NRF1: variants seen among roughly 807,000 people sequenced by gnomAD.
NRF1 encodes alpha palindromic-binding protein.
In NRF1, 5 loss-of-function variants were observed where a neutral mutation model predicts 58.5. The observed-to-expected ratio is 0.09, with a 90% CI of 0.04 to 0.18. The LOEUF is 0.18. Among genes scored for constraint, NRF1 ranks in the 10% least tolerant of loss-of-function variants. NRF1 has a pLI of 1.00. For missense variants in NRF1, 288 were observed against 657.7 expected (o/e 0.44, Z 6.15); for synonymous variants, 224 against 246.7 (o/e 0.91, Z 0.86).
chr7:129,660,278 T>C (rs2151077182), intron 2 of NRF1, among the ~76,000 whole-genome samples: 1 of 151,140 alleles, frequency 6.6e-6, no homozygotes, highest in Non-Finnish European at 1.5e-5. Flanking sequence ...AGCCAAACCA[T>C]ATTATTCCAC....
chr7:129,642,083 A>G (rs1409632794), intron 1 of NRF1, among the ~76,000 whole-genome samples: 1 of 151,864 alleles, frequency 6.6e-6, no homozygotes, highest in Admixed American at 6.6e-5. Context: ...GGTTCCAGCA[A>G]TTCTCCTGCC....
At position 129,756,545 on chromosome 7, in the gene NRF1, C is replaced by T. The variant is rs1198378553; in HGVS notation, c.*1364C>T. The T allele has an allele frequency of 6.5e-6, 1 of 152,686 alleles. No individual in the cohort carries two copies. Among genetic ancestry groups the T allele is most frequent in the Admixed American group, 6.5e-5 (1 of 15,286 alleles). 9.5% of individuals were successfully genotyped at this position (152,686 alleles called of 1,614,324 possible). ...TGGTAACCGTTAACTCTGTCTTTCT[C>T]AGCTGCAAGCCCTGAGTCTCCAGTA... On this transcript the variant is annotated 3_prime_UTR_variant, in exon 11 of 11. Transcript: ENST00000393232.
intron 1 of NRF1, among the ~76,000 whole-genome samples, chr7:129,635,806 A>G (rs376244390): frequency 6.6e-6 from 1 of 152,054 alleles, no homozygotes; most frequent in Non-Finnish European, 1.5e-5. Flanking sequence ...CACTCTGTCT[A>G]TACACCCCGT....
At chr7:129,716,593 G>A (rs993247902) in intron 8 of NRF1, among the ~76,000 whole-genome samples, 1 of 152,096 alleles carries the variant, frequency 6.6e-6, no homozygotes, top group African/African-American at 2.4e-5. Context: ...AGAGTGGGCC[G>A]GGCGTGGTGA....
chr7:129,699,543 G>C (rs540053855), intron 5 of NRF1, among the ~76,000 whole-genome samples: 1 of 151,802 alleles, frequency 6.6e-6, no homozygotes, highest in Admixed American at 6.6e-5. Flanking sequence ...GTGAAACCCC[G>C]TCTCTACTAA....
intron 1 of NRF1, among the ~76,000 whole-genome samples, chr7:129,646,130 C>T (rs1801400802): frequency 6.6e-6 from 1 of 152,182 alleles, no homozygotes; most frequent in African/African-American, 2.4e-5. Context: ...AGGCGTGAGC[C>T]ACCGCGCCAG....
At chr7:129,715,594 TATAA>T (rs1803167265) in intron 8 of NRF1, among the ~76,000 whole-genome samples, 1 of 152,238 alleles carries the variant, frequency 6.6e-6, no homozygotes, top group Non-Finnish European at 1.5e-5. Flanking sequence ...GCATTTACCC[TATAA>T]ATAGACTCAC....
At chr7:129,747,878 C>T (rs1019268010) in intron 10 of NRF1, among the ~76,000 whole-genome samples, 1 of 152,218 alleles carries the variant, frequency 6.6e-6, no homozygotes, top group Non-Finnish European at 1.5e-5. Flanking sequence ...ACTAAAGGGA[C>T]TACCATCAAG....
chr7:129,742,283 A>C (rs994098774), intron 10 of NRF1, among the ~76,000 whole-genome samples: 2 of 151,502 alleles, frequency 1.3e-5, no homozygotes, highest in African/African-American at 4.8e-5. Flanking sequence ...ATTAAAAAAA[A>C]AAAAAAAAAC....
intron 3 of NRF1, among the ~76,000 whole-genome samples, chr7:129,677,202 G>A (rs544326085): frequency 1.5e-4 from 23 of 152,022 alleles, no homozygotes; most frequent in Middle Eastern, 3.4e-3. Flanking sequence ...TAGTAGAGAC[G>A]GGTTTTACAC....
At chr7:129,630,708 T>C (rs1465675261) in intron 1 of NRF1, among the ~76,000 whole-genome samples, 3 of 152,208 alleles carry the variant, frequency 2.0e-5, no homozygotes, top group African/African-American at 4.8e-5. Context: ...AGAGGCAGTT[T>C]CCTGAATAAG....
At chr7:129,701,544 G>A (rs1038792675) in intron 5 of NRF1, among the ~76,000 whole-genome samples, 3 of 149,888 alleles carry the variant, frequency 2.0e-5, no homozygotes, top group African/African-American at 7.4e-5. Context: ...GCAGTGAGCC[G>A]AGACCACACC....
chr7:129,615,532 A>G (rs745415144), intron 1 of NRF1, among the ~76,000 whole-genome samples: 13 of 152,246 alleles, frequency 8.5e-5, no homozygotes, highest in Non-Finnish European at 1.6e-4. Flanking sequence ...ATACTAAAAT[A>G]CATTTTCTTT....
At chr7:129,740,662 A>G (rs1238304795) in intron 10 of NRF1, among the ~76,000 whole-genome samples, 2 of 152,164 alleles carry the variant, frequency 1.3e-5, no homozygotes, top group Admixed American at 1.3e-4. Context: ...AGCTGTGGAC[A>G]CCTTCAGAAA....
At chr7:129,673,225 A>G (rs752272680) in intron 3 of NRF1, among the ~76,000 whole-genome samples, 18 of 152,172 alleles carry the variant, frequency 1.2e-4, no homozygotes, top group Non-Finnish European at 2.6e-4. Flanking sequence ...AAAGATTGGA[A>G]TAGCTTTAAG....
rs139809407 is a variant in NRF1, at chr7:129,651,954, A to T, written c.-6-5392A>T. On this transcript the variant is annotated intron_variant, in intron 1 of 10. Coordinates refer to ENST00000393232, the MANE Select transcript of NRF1 (RefSeq NM_005011.5). ...GAAAAGTTGCAAGAATAGTACAAAG[A>T]ATTCTCATGTACCCTTTACCCAGAT... Among the ~76,000 whole-genome samples, 10 of 152,352 alleles carry T rather than the reference A, an allele frequency of 6.6e-5. No individual in the cohort carries two copies. In the East Asian group the frequency reaches 1.7e-3, roughly 26 times the overall value.
intron 1 of NRF1, among the ~76,000 whole-genome samples, chr7:129,618,809 T>A (rs551143329): frequency 1.7e-4 from 26 of 152,296 alleles, no homozygotes; most frequent in Non-Finnish European, 3.5e-4. Context: ...TATAATGAGA[T>A]ACCCTGGAGA....
chr7:129,754,912 C>CT, intron 10 of NRF1, 106 bp from the exon 11 acceptor site: 1 of 1,130,794 alleles, frequency 8.8e-7, no homozygotes, highest in Non-Finnish European at 1.2e-6. Flanking sequence ...TCACCTGAGG[C>CT]TGGTGACCAC....
intron 1 of NRF1, among the ~76,000 whole-genome samples, chr7:129,652,284 A>T (rs554426294): frequency 6.6e-6 from 1 of 152,314 alleles, no homozygotes; most frequent in Non-Finnish European, 1.5e-5. Context: ...TAAACTCCAG[A>T]TGTGTAGTGC....
Sources: allele counts gnomAD v4.1 joint callset (sites outside exome capture counted in the v4.1 genomes callset), GRCh38; gene constraint gnomAD v4.1.1; transcripts MANE v1.5; gene names NCBI Gene and HGNC (gene_info 2026-07-23, HGNC 2026-07-21).